FYTTD1: variants seen among roughly 807,000 people sequenced by gnomAD.
The protein encoded by FYTTD1 is forty-two-three domain containing 1, also known as UAP56-interacting factor.
FYTTD1 carries 22 observed loss-of-function variants against 40.9 expected under a neutral mutation model. That is an observed-to-expected ratio of 0.54 (90% CI 0.38 to 0.77). FYTTD1 has a LOEUF of 0.77. Ranked by LOEUF, FYTTD1 falls within the 30% of genes least tolerant of loss-of-function variation. The pLI is 0.00. For synonymous variants in FYTTD1, 140 were observed against 137.9 expected (o/e 1.01, Z -0.10); for missense variants, 351 against 392.2 (o/e 0.90, Z 0.89).
Position 197,781,670 on chromosome 3 carries a change from C to T in FYTTD1, c.859-141C>T, listed in dbSNP as rs1730031170. The T allele has an allele frequency of 2.9e-5, 17 of 590,766 alleles. No individual in the cohort carries two copies. In the South Asian group the frequency reaches 4.0e-4, roughly 14 times the overall value. 36.6% of individuals were successfully genotyped at this position (590,766 alleles called of 1,614,324 possible). A position where few individuals can be genotyped will look rare whatever the true frequency, so the allele number is the denominator to read the frequency against. On this transcript the variant is annotated intron_variant, in intron 8 of 8. Transcript: ENST00000241502. ...AATGTAGGCTTTATATGAGGTCATACATGTAAATATTTAGGAAATTTTAGC... is the reference window on the plus strand; with the variant it reads ...AATGTAGGCTTTATATGAGGTCATATATGTAAATATTTAGGAAATTTTAGC...
At position 197,781,810 on chromosome 3, in the gene FYTTD1, G is replaced by T. The variant is rs755818460; in HGVS notation, c.859-1G>T. 6.3e-7 allele frequency: 1 copy of T among 1,598,032 alleles called. No homozygotes were observed. Reference sequence around the variant, plus strand: ...TGTTTTTGTTTTTTTCTTTTCTCTAGACAGGGATGACGTTGAATGAGCGGT... The same window carrying T: ...TGTTTTTGTTTTTTTCTTTTCTCTATACAGGGATGACGTTGAATGAGCGGT... On this transcript the variant is annotated splice_acceptor_variant, in intron 8 of 8. Coordinates refer to ENST00000241502, the MANE Select transcript of FYTTD1 (RefSeq NM_032288.7). LOFTEE classifies it high-confidence loss of function.
At chr3:197,768,360 C>A in intron 2 of FYTTD1, 79 bp from the exon 3 acceptor site, 1 of 1,027,488 alleles carries the variant, frequency 9.7e-7, no homozygotes, top group South Asian at 2.0e-5. Flanking sequence ...TTCCCCCTTC[C>A]TTGGGAAATA....
rs28600849 is a variant in FYTTD1, at chr3:197,773,846, A to G, written c.595-303A>G. ...CTGGGTTAGGAAGTTCTAGAATAGC[A>G]CGGGCCCCTCCGCTGCACTCACGCA... On this transcript the variant is annotated intron_variant, in intron 5 of 8. Transcript: ENST00000241502. Among the ~76,000 whole-genome samples, 294 of 115,036 alleles carry G rather than the reference A, an allele frequency of 2.6e-3. 1 individual carries two copies. The highest frequency in any genetic ancestry group is 0.01 in the African/African-American group (251 of 24,582). 75.5% of individuals were successfully genotyped at this position (115,036 alleles called of 152,430 possible).
chr3:197,774,806 G>T (rs925606187), intron 6 of FYTTD1, among the ~76,000 whole-genome samples: 1 of 150,872 alleles, frequency 6.6e-6, no homozygotes, highest in Non-Finnish European at 1.5e-5. Flanking sequence ...AGCATAGCTC[G>T]ATCGCCAGTG....
intron 2 of FYTTD1, chr3:197,763,410 GTC>G: frequency 6.1e-6 from 2 of 327,488 alleles, no homozygotes; most frequent in Non-Finnish European, 1.2e-5. Flanking sequence ...TGAGACTCTT[GTC>G]TCAAAAAAAA....
Position 197,751,016 on chromosome 3 carries a change from G to C in FYTTD1, c.103+942G>C, listed in dbSNP as rs1311746586. On this transcript the variant is annotated intron_variant, in intron 1 of 8. Coordinates refer to ENST00000241502, the MANE Select transcript of FYTTD1 (RefSeq NM_032288.7). ...ATTCAAGTGATGGCGTTGGGTGTAA[G>C]TCAGCTCTGCCAGGTGTTTGGCTGG... Among the ~76,000 whole-genome samples, 4 of 152,214 alleles carry C rather than the reference G, an allele frequency of 2.6e-5. No individual in the cohort carries two copies. In the East Asian group the frequency reaches 7.7e-4, roughly 29 times the overall value.
At chr3:197,750,780 T>A in intron 1 of FYTTD1, 7 of 985,418 alleles carry the variant, frequency 7.1e-6, no homozygotes, top group Non-Finnish European at 8.4e-6. Flanking sequence ...AAAGCAAACA[T>A]CTTTGAAGGA....
Position 197,750,074 on chromosome 3 carries a change from G to A in FYTTD1, c.103G>A (p.Asp35Asn), listed in dbSNP as rs1208836732. 6.4e-7 allele frequency: 1 copy of A among 1,566,642 alleles called. No homozygotes were observed. The highest frequency in any genetic ancestry group is 8.6e-7 in the Non-Finnish European group (1 of 1,157,030). Residue 35 changes from aspartate (D) to asparagine (N), a missense_variant and splice_region_variant, in exon 1 of 9, where the codon GAT (aspartate) becomes AAT (asparagine). Physicochemically the swap from Asp to Asn is conservative, Grantham distance 23 (BLOSUM62 1). Coordinates refer to ENST00000241502, the MANE Select transcript of FYTTD1 (RefSeq NM_032288.7). ...ENLDKIDMSL[D>N]DIIKLNRKEG... The stretch of plus-strand genomic sequence containing the variant: ...CCTCGACAAAATAGATATGTCTTTG[G>A]GTGAGGGGCCGAGTTGGACCGAGTT...
At chr3:197,762,205 G>T (rs1407922299) in intron 2 of FYTTD1, among the ~76,000 whole-genome samples, 1 of 150,732 alleles carries the variant, frequency 6.6e-6, no homozygotes, top group Non-Finnish European at 1.5e-5. Context: ...GCAGTTGTGA[G>T]AATCTAGTTG....
chr3:197,749,634 A>G, upstream of FYTTD1: 1 of 968,950 alleles, frequency 1.0e-6, no homozygotes, highest in Non-Finnish European at 1.5e-6. Flanking sequence ...ATATCACTGA[A>G]GGCATAAGAT....
chr3:197,763,434 T>G, intron 2 of FYTTD1: 1 of 373,442 alleles, frequency 2.7e-6, no homozygotes, highest in Admixed American at 3.9e-5. Context: ...AAAAAAAGTT[T>G]TTATTTTAAT....
chr3:197,758,157 C>T (rs1729263186), intron 2 of FYTTD1, among the ~76,000 whole-genome samples: 1 of 152,218 alleles, frequency 6.6e-6, no homozygotes, highest in Non-Finnish European at 1.5e-5. Flanking sequence ...CCTGCCTCGG[C>T]CTCCTGCCTC....
Position 197,785,332 on chromosome 3 carries a change from A to C in FYTTD1, c.*3423A>C, listed in dbSNP as rs1730131105. 2 of 152,200 alleles carry C rather than the reference A, an allele frequency of 1.3e-5. No individual in the cohort carries two copies. The highest frequency in any genetic ancestry group is 4.1e-4 in the South Asian group (2 of 4,826). 9.4% of individuals were successfully genotyped at this position (152,200 alleles called of 1,614,324 possible). A position where few individuals can be genotyped will look rare whatever the true frequency, so the allele number is the denominator to read the frequency against. The stretch of plus-strand genomic sequence containing the variant: ...ATCTGTGTAAACGAAAAGTTGGCCC[A>C]CTGTGTACATGGATTTTCCATTCCA... On this transcript the variant is annotated 3_prime_UTR_variant, in exon 9 of 9. Transcript: ENST00000241502.
intron 2 of FYTTD1, among the ~76,000 whole-genome samples, chr3:197,763,925 C>G (rs1181583599): frequency 6.6e-6 from 1 of 152,222 alleles, no homozygotes; most frequent in African/African-American, 2.4e-5. Flanking sequence ...TTAGTTGCAC[C>G]TGCGGAGCTT....
intron 6 of FYTTD1, among the ~76,000 whole-genome samples, chr3:197,775,470 A>G (rs980004758): frequency 6.6e-6 from 1 of 151,758 alleles, no homozygotes; most frequent in Non-Finnish European, 1.5e-5. Context: ...GGCCCTCCAT[A>G]TCCGCGGATT....
chr3:197,760,301 T>A (rs1403710259), intron 2 of FYTTD1, among the ~76,000 whole-genome samples: 1 of 151,952 alleles, frequency 6.6e-6, no homozygotes, highest in Non-Finnish European at 1.5e-5. Context: ...AGCGGTAGAA[T>A]GTATGGAGTG....
At chr3:197,779,895 A>G (rs1166724350) in intron 8 of FYTTD1, among the ~76,000 whole-genome samples, 7 of 140,584 alleles carry the variant, frequency 5.0e-5, no homozygotes, top group Non-Finnish European at 9.2e-5. Context: ...ACCTGGGGAT[A>G]CAGGCACACA....
chr3:197,764,909 A>G (rs1188010380), intron 2 of FYTTD1, among the ~76,000 whole-genome samples: 1 of 149,754 alleles, frequency 6.7e-6, no homozygotes, highest in Admixed American at 6.7e-5. Context: ...GGAGTGTGGT[A>G]GTGCGATCTT....
rs143129250 is a variant in FYTTD1, at chr3:197,773,306, T to C, written c.498-97T>C. ...AGTTGTTTGTTTCTTGCACCTCATG[T>C]TTGCAGCCTATGAATTTAACTATTT... On this transcript the variant is annotated intron_variant, in intron 4 of 8. Transcript: ENST00000241502. 123 of 691,520 alleles carry C rather than the reference T, an allele frequency of 1.8e-4. No homozygotes were observed. In the African/African-American group the frequency reaches 2.0e-3, roughly 11 times the overall value. 42.8% of individuals were successfully genotyped at this position (691,520 alleles called of 1,614,324 possible).
Sources: allele counts gnomAD v4.1 joint callset (sites outside exome capture counted in the v4.1 genomes callset), GRCh38; gene constraint gnomAD v4.1.1; transcripts MANE v1.5; gene names NCBI Gene and HGNC (gene_info 2026-07-23, HGNC 2026-07-21).